PTPRD: variants seen among roughly 807,000 people sequenced by gnomAD.
PTPRD encodes protein tyrosine phosphatase receptor type D, also known as receptor-type tyrosine-protein phosphatase delta.
Under a neutral mutation model 214.5 loss-of-function variants are expected in PTPRD, and 34 were observed. The ratio of observed to expected loss-of-function variants is 0.16; its 90% CI spans 0.12 to 0.21. PTPRD has a LOEUF of 0.21. Among genes scored for constraint, PTPRD ranks in the 10% least tolerant of loss-of-function variants. The pLI, the probability that PTPRD is intolerant of heterozygous loss-of-function variation, is 1.00. For missense variants in PTPRD, 2,545 were observed against 2,398.7 expected, an observed-to-expected ratio of 1.06 and a Z score of -1.27; for synonymous variants, 1,128 against 845.7, an observed-to-expected ratio of 1.33 and a Z score of -5.79.
At chr9:9,372,262 G>A (rs1362868437) in intron 9 of PTPRD, among the ~76,000 whole-genome samples, 3 of 151,926 alleles carry the variant, frequency 2.0e-5, no homozygotes, top group Non-Finnish European at 2.9e-5. Context: ...CTCTGTGTAG[G>A]TCACAAAGGA....
chr9:8,445,374 A>C (rs1313536795), intron 34 of PTPRD, among the ~76,000 whole-genome samples: 6 of 152,186 alleles, frequency 3.9e-5, no homozygotes, highest in Admixed American at 6.5e-5. Flanking sequence ...ACTTACAATC[A>C]ATCATGCAAA....
rs1439992792 is a variant in PTPRD at position 9,923,142 on chromosome 9, G to GTGTA, written c.-368+15364_-368+15365insTACA. Among the ~76,000 whole-genome samples, 69 of 151,272 alleles carry GTGTA rather than the reference G, an allele frequency of 4.6e-4. 1 individual carries two copies. Among genetic ancestry groups the GTGTA allele is most frequent in the Non-Finnish European group, 8.9e-4 (60 of 67,768 alleles). On this transcript the variant is annotated intron_variant, in intron 5 of 45. Coordinates refer to ENST00000381196, the MANE Select transcript of PTPRD (RefSeq NM_002839.4). ...GTGGGGGGTGTGTGTGTGTGTGTGT[G>GTGTA]TGTGTGTATGTACAGAAAAAGGAAG...
intron 11 of PTPRD, among the ~76,000 whole-genome samples, chr9:8,801,963 C>T (rs368579634): frequency 1.3e-5 from 2 of 152,068 alleles, no homozygotes; most frequent in East Asian, 3.9e-4. Context: ...TGAGATAATT[C>T]CCACTTACTT....
At chr9:9,584,321 A>C (rs1052687108) in intron 7 of PTPRD, among the ~76,000 whole-genome samples, 1 of 151,470 alleles carries the variant, frequency 6.6e-6, no homozygotes, top group African/African-American at 2.4e-5. Context: ...AATTTTTGGA[A>C]AAGAAAGCTA....
intron 3 of PTPRD, among the ~76,000 whole-genome samples, chr9:10,126,613 A>T (rs1456670416): frequency 6.6e-6 from 1 of 152,092 alleles, no homozygotes; most frequent in Non-Finnish European, 1.5e-5. Flanking sequence ...CAGGTTTCTC[A>T]TCACTTAACT....
rs538587860 is a variant in PTPRD at position 8,772,016 on chromosome 9, C to G, written c.-103-38070G>C. 7.2e-5 allele frequency among the ~76,000 whole-genome samples: 11 copies of G among 152,132 alleles called. No individual in the cohort carries two copies. The South Asian group carries it at 2.3e-3, about 32-fold the overall frequency. ...GCTTGAGATGGATACCCCACCTACC[C>G]TGATGTGATTATTATGCATTATATG... On this transcript the variant is annotated intron_variant, in intron 11 of 45. Coordinates refer to ENST00000381196, the MANE Select transcript of PTPRD (RefSeq NM_002839.4).
intron 11 of PTPRD, among the ~76,000 whole-genome samples, chr9:8,853,352 A>G (rs927317675): frequency 2.0e-5 from 3 of 152,186 alleles, no homozygotes; most frequent in Non-Finnish European, 2.9e-5. Context: ...AGCACAAGTC[A>G]CATATTCTTT....
At chr9:8,617,095 A>G (rs909774168) in intron 14 of PTPRD, among the ~76,000 whole-genome samples, 2 of 152,124 alleles carry the variant, frequency 1.3e-5, no homozygotes, top group African/African-American at 4.8e-5. Context: ...TGGCTCTTCT[A>G]TAAGAGATAA....
chr9:8,425,265 T>C lies in PTPRD; in HGVS notation c.4086+11327A>G, dbSNP rs146493596. ...CCGAAAGCTGTTCCCAGCAGTGACATAAACATAGACGTACTCATTTGGTCC... is the reference window on the plus strand; with the variant it reads ...CCGAAAGCTGTTCCCAGCAGTGACACAAACATAGACGTACTCATTTGGTCC... On this transcript the variant is annotated intron_variant, in intron 35 of 45. Transcript: ENST00000381196. Among the ~76,000 whole-genome samples the C allele has an allele frequency of 6.5e-3, 993 of 152,326 alleles. 8 individuals carry two copies. The highest frequency in any genetic ancestry group is 0.023 in the African/African-American group (936 of 41,582).
intron 2 of PTPRD, among the ~76,000 whole-genome samples, chr9:10,395,646 T>C (rs972256940): frequency 3.9e-5 from 6 of 151,904 alleles, no homozygotes; most frequent in Non-Finnish European, 7.4e-5. Flanking sequence ...TGCCATCCCA[T>C]AGATTGCCAT....
intron 34 of PTPRD, among the ~76,000 whole-genome samples, chr9:8,441,332 G>A (rs1590566096): frequency 6.6e-6 from 1 of 152,016 alleles, no homozygotes; most frequent in South Asian, 2.1e-4. Context: ...TTCTGAAAAG[G>A]GTGAAATTAT....
intron 11 of PTPRD, among the ~76,000 whole-genome samples, chr9:8,804,923 A>C (rs2096645441): frequency 6.6e-6 from 1 of 152,184 alleles, no homozygotes; most frequent in Non-Finnish European, 1.5e-5. Flanking sequence ...GGCTTTCTAA[A>C]TTTGAAAGAG....
chr9:8,839,657 T>C (rs2097520198), intron 11 of PTPRD, among the ~76,000 whole-genome samples: 1 of 152,106 alleles, frequency 6.6e-6, no homozygotes, highest in Non-Finnish European at 1.5e-5. Context: ...ACTGGTAGCA[T>C]TATGAGCATA....
In PTPRD at chr9:9,019,308, G is replaced by GA. The variant is rs879356873; in HGVS notation, c.-142-574dup. ...AGAAAGAAAGAAAGAAAGAAAGAAAGAAAGAAAGAAAGAAAGAAAGAAAGA... is the reference window on the plus strand; with the variant it reads ...AGAAAGAAAGAAAGAAAGAAAGAAAGAAAAGAAAGAAAGAAAGAAAGAAAGA... On this transcript the variant is annotated intron_variant, in intron 10 of 45. Transcript: ENST00000381196. Among the ~76,000 whole-genome samples the GA allele has an allele frequency of 4.4e-3, 453 of 103,194 alleles. 4 individuals are homozygous for GA. Among genetic ancestry groups the GA allele is most frequent in the African/African-American group, 0.017 (429 of 25,364 alleles). The allele number at this position is 103,194 out of a possible 152,430, so 67.7% of individuals were successfully genotyped here.
chr9:8,376,655 A>G lies in PTPRD; in HGVS notation c.4458T>C (p.Asp1486=), dbSNP rs1185267145. Residue 1486 remains aspartate (D), a synonymous_variant, in exon 38 of 46, where the codon GAT becomes GAC. Transcript: ENST00000381196. ...THGLVQVTLL[D]TVELATYCVR... ...CACAATATGTGGCCAGCTCCACAGT[A>G]TCAAGCAGCGTTACTTGAACGAGTC... 6.2e-7 allele frequency: 1 copy of G among 1,613,044 alleles called. No individual in the cohort carries two copies. The highest frequency in any genetic ancestry group is 2.2e-5 in the East Asian group (1 of 44,866).
intron 5 of PTPRD, among the ~76,000 whole-genome samples, chr9:9,908,692 T>A (rs2078311853): frequency 6.6e-6 from 1 of 152,078 alleles, no homozygotes; most frequent in Admixed American, 6.6e-5. Context: ...CTGTTCTTTA[T>A]CTTGCTTATA....
intron 11 of PTPRD, among the ~76,000 whole-genome samples, chr9:8,930,813 T>C (rs976086766): frequency 6.6e-6 from 1 of 152,100 alleles, no homozygotes; most frequent in Admixed American, 6.6e-5. Flanking sequence ...GGGTTGTTTG[T>C]TTTTTTCTTG....
chr9:10,598,471 G>A (rs773505507), intron 2 of PTPRD, among the ~76,000 whole-genome samples: 1 of 151,628 alleles, frequency 6.6e-6, no homozygotes. Flanking sequence ...TATATGTTTA[G>A]GTTATTCTGT....
chr9:10,356,198 C>T (rs2097274331), intron 2 of PTPRD, among the ~76,000 whole-genome samples: 2 of 151,748 alleles, frequency 1.3e-5, no homozygotes, highest in African/African-American at 4.8e-5. Context: ...TCCTAAAAGC[C>T]TATTCATACA....
Sources: allele counts gnomAD v4.1 joint callset (sites outside exome capture counted in the v4.1 genomes callset), GRCh38; gene constraint gnomAD v4.1.1; transcripts MANE v1.5; gene names NCBI Gene and HGNC (gene_info 2026-07-23, HGNC 2026-07-21).